The following KCNN2 variants were observed in gnomAD, a reference collection of about 807,000 sequenced individuals.
The protein encoded by KCNN2 is potassium calcium-activated channel subfamily N member 2.
KCNN2 carries 24 observed loss-of-function variants against 55.5 expected under a neutral mutation model. The observed-to-expected ratio is 0.43, with a 90% CI of 0.31 to 0.61. The LOEUF (loss-of-function observed/expected upper bound fraction) is 0.61, where lower values mean the gene tolerates loss of function less well. KCNN2 is among the 20% of genes least tolerant of loss of function. The pLI, the probability that KCNN2 is intolerant of heterozygous loss-of-function variation, is 0.08. For synonymous variants in KCNN2, 431 were observed against 336.1 expected (o/e 1.28, Z -3.09); for missense variants, 754 against 853.6 (o/e 0.88, Z 1.45).
chr5:114,462,367 T>C (rs150877718), intron 3 of KCNN2, among the ~76,000 whole-genome samples: 1 of 152,334 alleles, frequency 6.6e-6, no homozygotes, highest in African/African-American at 2.4e-5. Context: ...TCTTTGTGTA[T>C]AACTGGTAAG....
chr5:114,293,397 A>C (rs1346230346), intron 2 of KCNN2, among the ~76,000 whole-genome samples: 2 of 152,170 alleles, frequency 1.3e-5, no homozygotes, highest in Admixed American at 1.3e-4. Context: ...AGTTTTTAGC[A>C]TGAAGGGTTG....
intron 2 of KCNN2, among the ~76,000 whole-genome samples, chr5:114,242,408 T>A (rs763706222): frequency 2.6e-5 from 4 of 152,210 alleles, no homozygotes; most frequent in Non-Finnish European, 4.4e-5. Context: ...CCAGAAATCC[T>A]GTGTTGATAA....
At chr5:114,307,393 T>C (rs1211145010) in intron 2 of KCNN2, among the ~76,000 whole-genome samples, 1 of 152,198 alleles carries the variant, frequency 6.6e-6, no homozygotes, top group Admixed American at 6.5e-5. Context: ...CTAGTAATGC[T>C]AGGTCCTGTG....
At chr5:114,322,188 A>G (rs1314781488) in intron 2 of KCNN2, among the ~76,000 whole-genome samples, 1 of 152,224 alleles carries the variant, frequency 6.6e-6, no homozygotes, top group African/African-American at 2.4e-5. Context: ...TATTTGTAGA[A>G]TCTACTGTAG....
intron 1 of KCNN2, among the ~76,000 whole-genome samples, chr5:114,218,690 G>A (rs1365200937): frequency 6.6e-6 from 1 of 152,138 alleles, no homozygotes; most frequent in East Asian, 1.9e-4. Context: ...ACCATAGAAT[G>A]TACATACCAA....
intron 1 of KCNN2, among the ~76,000 whole-genome samples, chr5:114,126,611 C>T (rs190673582): frequency 1.3e-5 from 2 of 152,094 alleles, no homozygotes; most frequent in Non-Finnish European, 1.5e-5. Context: ...GGGGACACAG[C>T]CAAACCATAT....
chr5:114,110,909 T>A (rs1249163071), intron 1 of KCNN2, among the ~76,000 whole-genome samples: 3 of 151,996 alleles, frequency 2.0e-5, no homozygotes, highest in Admixed American at 6.6e-5. Context: ...AAAATTAGAA[T>A]TTAAAAAATG....
chr5:114,098,242 A>G (rs1230613487), intron 1 of KCNN2, among the ~76,000 whole-genome samples: 1 of 152,042 alleles, frequency 6.6e-6, no homozygotes, highest in Non-Finnish European at 1.5e-5. Context: ...ACTTAATCAT[A>G]TCTGCAAAGT....
chr5:114,110,135 T>C (rs1015087697), intron 1 of KCNN2, among the ~76,000 whole-genome samples: 2 of 152,096 alleles, frequency 1.3e-5, no homozygotes, highest in African/African-American at 2.4e-5. Flanking sequence ...TCTCAGACTT[T>C]CCAGCCTCAG....
At chr5:114,400,916 A>C (rs1580792548) in intron 2 of KCNN2, among the ~76,000 whole-genome samples, 1 of 151,050 alleles carries the variant, frequency 6.6e-6, no homozygotes, top group Non-Finnish European at 1.5e-5. Context: ...CCTTCATAAC[A>C]ATGTCCAAAA....
intron 2 of KCNN2, among the ~76,000 whole-genome samples, chr5:114,399,431 C>G (rs376090603): frequency 6.6e-6 from 1 of 152,130 alleles, no homozygotes; most frequent in Non-Finnish European, 1.5e-5. Flanking sequence ...ACCAACCTTG[C>G]GTCCCAGAGA....
intron 4 of KCNN2, among the ~76,000 whole-genome samples, chr5:114,471,615 C>G (rs1420968147): frequency 2.0e-5 from 3 of 152,166 alleles, no homozygotes; most frequent in Admixed American, 6.5e-5. Flanking sequence ...ATCATTTACT[C>G]TGCTTTAGTT....
chr5:114,118,007 T>A (rs574574510), intron 1 of KCNN2, among the ~76,000 whole-genome samples: 2 of 152,246 alleles, frequency 1.3e-5, no homozygotes, highest in Admixed American at 1.3e-4. Flanking sequence ...CAAACAGATA[T>A]AGCTACAAAG....
At chr5:114,360,186 C>T (rs566181997), upstream of KCNN2, among the ~76,000 whole-genome samples, 51 of 152,212 alleles carry the variant, frequency 3.4e-4, no homozygotes, top group Non-Finnish European at 6.5e-4. Flanking sequence ...CTGTGCACCC[C>T]CCACCCCTTT....
chr5:114,168,092 T>G (rs1752953317), intron 1 of KCNN2, among the ~76,000 whole-genome samples: 1 of 151,956 alleles, frequency 6.6e-6, no homozygotes, highest in South Asian at 2.1e-4. Flanking sequence ...TTGTGTTGTT[T>G]CTAGTTTTTT....
In KCNN2 at chr5:114,397,542, A is replaced by G. The variant is rs574342332; in HGVS notation, c.1219-6896A>G. 3.7e-4 allele frequency among the ~76,000 whole-genome samples: 57 copies of G among 152,226 alleles called. No individual in the cohort carries two copies. The South Asian group carries it at 0.011, about 29-fold the overall frequency. On this transcript the variant is annotated intron_variant, in intron 2 of 7. Coordinates refer to ENST00000673685, the MANE Select transcript of KCNN2 (RefSeq NM_021614.4). Reference sequence around the variant, plus strand: ...GCTGAGATTACAAGCACGCAACACAATGCCCGGCTAATTTTTGTATTTTTA... The same window carrying G: ...GCTGAGATTACAAGCACGCAACACAGTGCCCGGCTAATTTTTGTATTTTTA...
chr5:114,099,820 T>A (rs993491176), intron 1 of KCNN2, among the ~76,000 whole-genome samples: 1 of 152,070 alleles, frequency 6.6e-6, no homozygotes, highest in Non-Finnish European at 1.5e-5. Flanking sequence ...TTGAATTGAT[T>A]TATATTTTTG....
intron 2 of KCNN2, among the ~76,000 whole-genome samples, chr5:114,290,136 G>C (rs1315777368): frequency 6.6e-6 from 1 of 152,074 alleles, no homozygotes; most frequent in African/African-American, 2.4e-5. Flanking sequence ...GTTAGAATAT[G>C]TTCCCTCTTA....
chr5:114,279,273 T>G (rs1226615831), intron 2 of KCNN2, among the ~76,000 whole-genome samples: 1 of 152,096 alleles, frequency 6.6e-6, no homozygotes, highest in East Asian at 1.9e-4. Context: ...AATGTCTTTA[T>G]CACTACTCCT....
Sources: gnomAD v4.1 joint callset for allele counts (sites outside exome capture counted in the v4.1 genomes callset) on GRCh38, gnomAD v4.1.1 for gene constraint, MANE v1.5 for transcripts, NCBI Gene and HGNC (gene_info 2026-07-23, HGNC 2026-07-21) for gene names.